Variants in WWC1 observed in about 807,000 individuals in gnomAD.
WWC1 encodes protein KIBRA.
In WWC1, 55 loss-of-function variants were observed where a neutral mutation model predicts 138.4. That is an observed-to-expected ratio of 0.40 (90% CI 0.32 to 0.50). The LOEUF is 0.50. Among genes scored for constraint, WWC1 ranks in the 20% least tolerant of loss-of-function variants. WWC1 has a pLI of 0.72. For missense variants in WWC1, 1,226 were observed against 1,420.4 expected (o/e 0.86, Z 2.20); for synonymous variants, 524 against 564.9 (o/e 0.93, Z 1.03).
At chr5:168,433,876 G>A (rs1561760471) in intron 15 of WWC1, among the ~76,000 whole-genome samples, 9 of 152,212 alleles carry the variant, frequency 5.9e-5, no homozygotes. Context: ...TTGCAAAATA[G>A]GTAGCGTATT....
chr5:168,399,151 A>G (rs757896406), intron 4 of WWC1, among the ~76,000 whole-genome samples: 22 of 152,292 alleles, frequency 1.4e-4, no homozygotes, highest in Admixed American at 9.8e-4. Context: ...GAGGCTCAGG[A>G]TGGCAAGACA....
intron 17 of WWC1, among the ~76,000 whole-genome samples, chr5:168,445,997 AAGCTT>A (rs2152876115): frequency 6.6e-6 from 1 of 152,248 alleles, no homozygotes; most frequent in East Asian, 1.9e-4. Context: ...TTCATTGGCC[AAGCTT>A]AGCCACTTAG....
At position 168,386,492 on chromosome 5, in the gene WWC1, A is replaced by T. The variant is rs972598402; in HGVS notation, c.433+1078A>T. Among the ~76,000 whole-genome samples, 4 of 140,328 alleles carry T rather than the reference A, an allele frequency of 2.9e-5. No homozygotes were observed. In the Admixed American group the frequency reaches 2.9e-4, roughly 10 times the overall value. 92.1% of individuals were successfully genotyped at this position (140,328 alleles called of 152,430 possible). On this transcript the variant is annotated intron_variant, in intron 3 of 22. Coordinates refer to ENST00000265293, the MANE Select transcript of WWC1 (RefSeq NM_015238.3). Reference sequence around the variant, plus strand: ...GCTGCAAGCTCCGCCTCCTGGGTTCATGCCATTCTCCTGCCTCAGCCTCCA... The same window carrying T: ...GCTGCAAGCTCCGCCTCCTGGGTTCTTGCCATTCTCCTGCCTCAGCCTCCA...
intron 1 of WWC1, among the ~76,000 whole-genome samples, chr5:168,340,289 T>A (rs1240204591): frequency 6.6e-6 from 1 of 152,184 alleles, no homozygotes; most frequent in Non-Finnish European, 1.5e-5. Context: ...TTGGCCAGGC[T>A]GGTCTTGAAC....
At chr5:168,372,042 A>AG (rs1776792834) in intron 2 of WWC1, among the ~76,000 whole-genome samples, 1 of 116,760 alleles carries the variant, frequency 8.6e-6, no homozygotes, top group African/African-American at 3.2e-5. Flanking sequence ...AGAGAGAGAG[A>AG]AAGAGTGTGT....
chr5:168,446,232 TAAAAAAAAAA>T (rs60746695), intron 17 of WWC1, among the ~76,000 whole-genome samples: 152 of 58,770 alleles, frequency 2.6e-3, no homozygotes, highest in Admixed American at 3.9e-3. Context: ...CTCCCATTAT[TAAAAAAAAAA>T]AAAAAAAAAA....
chr5:168,388,689 G>C (rs988182924), intron 3 of WWC1, among the ~76,000 whole-genome samples: 26 of 152,036 alleles, frequency 1.7e-4, no homozygotes, highest in Non-Finnish European at 3.5e-4. Flanking sequence ...AATTAGCTGG[G>C]CGTGGTGGCA....
chr5:168,414,646 C>T, intron 9 of WWC1, 56 bp downstream of exon 9: 1 of 1,494,302 alleles, frequency 6.7e-7, no homozygotes, highest in Non-Finnish European at 8.9e-7. Context: ...AGTCTGTCCT[C>T]AGCCCCCAGA....
intron 1 of WWC1, among the ~76,000 whole-genome samples, chr5:168,334,449 C>T (rs980053476): frequency 2.0e-5 from 3 of 152,120 alleles, no homozygotes; most frequent in African/African-American, 7.2e-5. Flanking sequence ...CTTTCCTGCT[C>T]TCTTCACCTA....
chr5:168,342,309 G>A (rs1304428720), intron 1 of WWC1, among the ~76,000 whole-genome samples: 4 of 152,188 alleles, frequency 2.6e-5, no homozygotes, highest in Admixed American at 2.6e-4. Flanking sequence ...GCTGAACAGG[G>A]TAGGGACCAT....
intron 15 of WWC1, among the ~76,000 whole-genome samples, chr5:168,441,453 G>A (rs1469061972): frequency 6.6e-6 from 1 of 152,004 alleles, no homozygotes; most frequent in African/African-American, 2.4e-5. Context: ...AAAATTCATA[G>A]GATAAGTCTT....
chr5:168,304,409 C>T (rs1770367918), intron 1 of WWC1, among the ~76,000 whole-genome samples: 1 of 152,152 alleles, frequency 6.6e-6, no homozygotes, highest in African/African-American at 2.4e-5. Flanking sequence ...TGGTTTATTT[C>T]TATTGCTGAT....
rs185697011 is a variant in WWC1, at chr5:168,332,091, A to C, written c.120-39333A>C. ...AACCCAGGAGGTGGAGGTTGCAGAG[A>C]GCTGAGATCATGCCACTGTACTCCA... is the stretch of plus-strand genomic sequence containing the variant. On this transcript the variant is annotated intron_variant, in intron 1 of 22. Coordinates refer to ENST00000265293, the MANE Select transcript of WWC1 (RefSeq NM_015238.3). Among the ~76,000 whole-genome samples, 29 of 151,890 alleles carry C rather than the reference A, an allele frequency of 1.9e-4. 1 individual carries two copies. Among genetic ancestry groups the C allele is most frequent in the Admixed American group, 1.2e-3 (18 of 15,254 alleles).
chr5:168,460,800 CCT>C, intron 20 of WWC1, 58 bp downstream of exon 20: 2 of 1,546,336 alleles, frequency 1.3e-6, no homozygotes, highest in Non-Finnish European at 8.9e-7. Context: ...TGCCCCAAGC[CCT>C]GTGTCCTGCA....
intron 1 of WWC1, among the ~76,000 whole-genome samples, chr5:168,321,663 G>A (rs532023961): frequency 1.1e-3 from 166 of 151,276 alleles, no homozygotes; most frequent in Middle Eastern, 6.8e-3. Flanking sequence ...TCAGCCTCCC[G>A]AGTAGCTGGG....
intron 1 of WWC1, among the ~76,000 whole-genome samples, chr5:168,334,173 A>T (rs1158508139): frequency 6.6e-6 from 1 of 151,654 alleles, no homozygotes; most frequent in Admixed American, 6.6e-5. Context: ...GCAGTGAGCT[A>T]TGATGATACC....
chr5:168,323,799 T>A (rs1344347203), intron 1 of WWC1, among the ~76,000 whole-genome samples: 3 of 151,686 alleles, frequency 2.0e-5, no homozygotes, highest in African/African-American at 7.3e-5. Context: ...TCCAGGAAAA[T>A]CATGTGGAAA....
chr5:168,455,209 C>G, intron 18 of WWC1, 147 bp from the exon 19 acceptor site: 1 of 1,029,694 alleles, frequency 9.7e-7, no homozygotes, highest in Non-Finnish European at 1.4e-6. Context: ...CTGAGCTCAT[C>G]TAGCAGGGCT....
Position 168,428,630 on chromosome 5 carries a change from G to A in WWC1, c.1920-77G>A. ...GAGCAAACCCCAACTTTCCTTCCTG[G>A]GGATGTAACCTCAGCCTCCCAGAAT... On this transcript the variant is annotated intron_variant, in intron 12 of 22. Transcript: ENST00000265293. 3 of 1,436,602 alleles carry A rather than the reference G, an allele frequency of 2.1e-6. No homozygotes were observed. In the East Asian group the frequency reaches 7.0e-5, roughly 33 times the overall value. The allele number at this position is 1,436,602 out of a possible 1,614,324, so 89.0% of individuals were successfully genotyped here. A position where few individuals can be genotyped will look rare whatever the true frequency, so the allele number is the denominator to read the frequency against.
Sources: allele counts gnomAD v4.1 joint callset (sites outside exome capture counted in the v4.1 genomes callset), GRCh38; gene constraint gnomAD v4.1.1; transcripts MANE v1.5; gene names NCBI Gene and HGNC (gene_info 2026-07-23, HGNC 2026-07-21).